The following NREP variants were observed in gnomAD, a reference collection of about 807,000 sequenced individuals.
The protein encoded by NREP is neuronal regeneration related protein, also known as neuronal regeneration-related protein.
In NREP, 5 loss-of-function variants were observed where a neutral mutation model predicts 8.6. The ratio of observed to expected loss-of-function variants is 0.58; its 90% CI spans 0.30 to 1.22. The LOEUF is 1.22. Among genes scored for constraint, NREP ranks in the 50% most tolerant of loss-of-function variants. The pLI is 0.07. For synonymous variants in NREP, 27 were observed against 28.0 expected (o/e 0.96, Z 0.11); for missense variants, 86 against 82.5 (o/e 1.04, Z -0.17).
intron 2 of NREP, among the ~76,000 whole-genome samples, chr5:111,781,651 A>G (rs996962457): frequency 1.3e-5 from 2 of 152,214 alleles, no homozygotes; most frequent in African/African-American, 4.8e-5. Flanking sequence ...ATACATCCTC[A>G]CTTCCAGGAT....
chr5:111,759,265 C>T (rs1291164322), upstream of NREP, among the ~76,000 whole-genome samples: 1 of 152,106 alleles, frequency 6.6e-6, no homozygotes, highest in Non-Finnish European at 1.5e-5. Flanking sequence ...AATCAGACTA[C>T]CAAAAATCTA....
chr5:111,876,456 T>G (rs1753911513), intron 2 of NREP, among the ~76,000 whole-genome samples: 1 of 152,146 alleles, frequency 6.6e-6, no homozygotes, highest in Non-Finnish European at 1.5e-5. Context: ...CAACTTTTCC[T>G]TTTGAGCAGA....
intron 2 of NREP, among the ~76,000 whole-genome samples, chr5:111,762,854 T>C (rs1750993515): frequency 6.6e-6 from 1 of 152,172 alleles, no homozygotes; most frequent in Non-Finnish European, 1.5e-5. Flanking sequence ...ATTTGTAGTA[T>C]TTGCATTTGT....
intron 3 of NREP, 69 bp from the exon 4 acceptor site, chr5:111,731,115 C>A: frequency 6.4e-7 from 1 of 1,571,284 alleles, no homozygotes; most frequent in Non-Finnish European, 8.6e-7. Flanking sequence ...GCTTCTGAAA[C>A]CATTTTTTAA....
intron 2 of NREP, among the ~76,000 whole-genome samples, chr5:111,775,190 T>C (rs1265368769): frequency 1.3e-5 from 2 of 152,196 alleles, no homozygotes; most frequent in Non-Finnish European, 2.9e-5. Flanking sequence ...CATACCAGGC[T>C]TAAACTTCAA....
At chr5:111,880,830 A>C (rs1178795093) in intron 2 of NREP, among the ~76,000 whole-genome samples, 1 of 141,004 alleles carries the variant, frequency 7.1e-6, no homozygotes, top group Admixed American at 7.9e-5. Context: ...TCAACATCCC[A>C]GGCTCATAGA....
At chr5:111,912,349 C>A (rs1400827236) in intron 2 of NREP, among the ~76,000 whole-genome samples, 2 of 151,950 alleles carry the variant, frequency 1.3e-5, no homozygotes, top group Non-Finnish European at 2.9e-5. Context: ...CTTCTTGACC[C>A]TCCTCACTTC....
intron 2 of NREP, among the ~76,000 whole-genome samples, chr5:111,794,188 T>A (rs1751823026): frequency 6.6e-6 from 1 of 152,248 alleles, no homozygotes; most frequent in African/African-American, 2.4e-5. Flanking sequence ...GGCAAGGATG[T>A]CAAACAACAA....
intron 2 of NREP, among the ~76,000 whole-genome samples, chr5:111,817,446 T>C (rs1267057775): frequency 2.0e-5 from 3 of 152,216 alleles, no homozygotes; most frequent in Non-Finnish European, 4.4e-5. Context: ...ACATCCTTTC[T>C]ATTATGATTT....
chr5:111,872,061 A>AAT (rs1032393910), intron 2 of NREP, among the ~76,000 whole-genome samples: 6 of 151,032 alleles, frequency 4.0e-5, no homozygotes, highest in Admixed American at 2.6e-4. Context: ...TATATAAATA[A>AAT]ATATATATAC....
intron 2 of NREP, among the ~76,000 whole-genome samples, chr5:111,908,479 G>T (rs914580350): frequency 6.6e-6 from 1 of 151,904 alleles, no homozygotes; most frequent in Admixed American, 6.6e-5. Context: ...TCATCTTTAT[G>T]TCCATGTGTA....
At position 111,836,238 on chromosome 5, in the gene NREP, T is replaced by G. The variant is rs1304049161; in HGVS notation, c.136-100731A>C. ...ATGTCTATAGAAAGAATGAATGAAT[T>G]AAACACTGCCCCTCAAAACAGGCAA... On this transcript the variant is annotated intron_variant, in intron 2 of 3. Transcript: ENST00000395634. Among the ~76,000 whole-genome samples the G allele has an allele frequency of 5.9e-5, 9 of 152,220 alleles. No individual in the cohort carries two copies. The South Asian group carries it at 1.0e-3, about 18-fold the overall frequency.
chr5:111,863,284 C>T (rs1444370639), intron 2 of NREP, among the ~76,000 whole-genome samples: 6 of 152,028 alleles, frequency 3.9e-5, no homozygotes, highest in African/African-American at 9.7e-5. Flanking sequence ...CTTGGTCTCT[C>T]TTTGGGTGGT....
At chr5:111,770,694 C>A (rs1276082360) in intron 2 of NREP, among the ~76,000 whole-genome samples, 1 of 151,026 alleles carries the variant, frequency 6.6e-6, no homozygotes. Context: ...CTTAGCCTTC[C>A]GAGTACCCTG....
intron 2 of NREP, among the ~76,000 whole-genome samples, chr5:111,905,886 C>A (rs1366297982): frequency 6.6e-6 from 1 of 151,952 alleles, no homozygotes; most frequent in African/African-American, 2.4e-5. Context: ...AAACATAAAT[C>A]TCTGAAAAGT....
chr5:111,944,973 G>T (rs905734532), intron 2 of NREP, among the ~76,000 whole-genome samples: 1 of 151,976 alleles, frequency 6.6e-6, no homozygotes, highest in Non-Finnish European at 1.5e-5. Context: ...TATTTGATTA[G>T]TTAACAATTT....
intron 2 of NREP, among the ~76,000 whole-genome samples, chr5:111,848,796 C>A (rs1411297351): frequency 6.6e-6 from 1 of 152,118 alleles, no homozygotes. Context: ...AATTCATTTT[C>A]TTTGCCATTT....
At chr5:111,941,974 G>T (rs779027725) in intron 2 of NREP, among the ~76,000 whole-genome samples, 9 of 151,994 alleles carry the variant, frequency 5.9e-5, no homozygotes, top group South Asian at 2.1e-4. Context: ...CTCTGAATTA[G>T]ATTTTTGGTA....
intron 2 of NREP, among the ~76,000 whole-genome samples, chr5:111,927,281 T>A (rs968158304): frequency 6.6e-6 from 1 of 152,120 alleles, no homozygotes; most frequent in African/African-American, 2.4e-5. Flanking sequence ...CTTTCAAATT[T>A]TTTCATGAGG....
Sources: allele counts gnomAD v4.1 joint callset (sites outside exome capture counted in the v4.1 genomes callset), GRCh38; gene constraint gnomAD v4.1.1; transcripts MANE v1.5; gene names NCBI Gene and HGNC (gene_info 2026-07-23, HGNC 2026-07-21).